Variants in RGL1 observed in about 807,000 individuals in gnomAD.
RGL1 encodes ral guanine nucleotide dissociation stimulator-like 1.
RGL1 carries 24 observed loss-of-function variants against 95.2 expected under a neutral mutation model. The observed-to-expected ratio is 0.25, with a 90% CI of 0.18 to 0.35. RGL1 has a LOEUF of 0.35. RGL1 is among the 10% of genes least tolerant of loss of function. The pLI is 1.00. For missense variants in RGL1, 715 were observed against 936.3 expected (o/e 0.76, Z 3.08); for synonymous variants, 329 against 344.9 (o/e 0.95, Z 0.51).
At chr1:183,901,156 G>A (rs185041557) in intron 11 of RGL1, among the ~76,000 whole-genome samples, 370 of 152,016 alleles carry the variant, frequency 2.4e-3, no homozygotes, top group African/African-American at 8.6e-3. Context: ...AAAATCAGCC[G>A]GGCATGGTGA....
chr1:183,755,986 C>T (rs10797906), intron 2 of RGL1, among the ~76,000 whole-genome samples: 27,057 of 150,722 alleles, frequency 0.18, 3,325 homozygotes, highest in African/African-American at 0.35. Flanking sequence ...CGGGTTCAAG[C>T]GAGTCTCCTG....
chr1:183,818,718 A>G (rs1333689391), intron 2 of RGL1, among the ~76,000 whole-genome samples: 1 of 152,224 alleles, frequency 6.6e-6, no homozygotes, highest in Non-Finnish European at 1.5e-5. Flanking sequence ...CTTAGTGAGC[A>G]TCTTATAAAT....
chr1:183,665,282 T>A (rs1241155964), intron 1 of RGL1, among the ~76,000 whole-genome samples: 2 of 152,180 alleles, frequency 1.3e-5, no homozygotes, highest in East Asian at 1.9e-4. Flanking sequence ...TATTCTTGAA[T>A]TCAATTTGCT....
intron 5 of RGL1, among the ~76,000 whole-genome samples, chr1:183,883,488 G>A (rs1666935974): frequency 6.6e-6 from 1 of 152,190 alleles, no homozygotes; most frequent in Admixed American, 6.5e-5. Context: ...GTTTGAAAGA[G>A]CCCTAGACAA....
intron 4 of RGL1, among the ~76,000 whole-genome samples, chr1:183,866,535 C>T (rs777465513): frequency 3.3e-5 from 5 of 152,094 alleles, no homozygotes; most frequent in African/African-American, 4.8e-5. Flanking sequence ...CGACAGACCA[C>T]GGGAAAGCCT....
chr1:183,869,284 A>G (rs1301682284), intron 4 of RGL1, among the ~76,000 whole-genome samples: 1 of 152,246 alleles, frequency 6.6e-6, no homozygotes, highest in African/African-American at 2.4e-5. Flanking sequence ...GTTGTATACT[A>G]GGAACACTAA....
intron 2 of RGL1, among the ~76,000 whole-genome samples, chr1:183,780,081 G>T (rs941495524): frequency 3.3e-5 from 5 of 152,170 alleles, no homozygotes; most frequent in Non-Finnish European, 2.9e-5. Flanking sequence ...CTTGATTCCA[G>T]TTTCCTCCCT....
intron 7 of RGL1, 125 bp downstream of exon 7, chr1:183,885,063 T>A (rs1667039544): frequency 3.9e-6 from 3 of 775,786 alleles, no homozygotes; most frequent in African/African-American, 1.8e-5. Context: ...GAGAGCCCAC[T>A]GGGTTTTTGT....
chr1:183,830,773 A>G (rs933790037), intron 2 of RGL1, among the ~76,000 whole-genome samples: 1 of 152,216 alleles, frequency 6.6e-6, no homozygotes, highest in Admixed American at 6.5e-5. Flanking sequence ...CAGAACAGTC[A>G]TTTTAATAAA....
chr1:183,912,028 C>G, intron 14 of RGL1, 54 bp from the exon 15 acceptor site: 1 of 1,520,056 alleles, frequency 6.6e-7, no homozygotes, highest in Non-Finnish European at 9.0e-7. Flanking sequence ...TTTGCCTAAT[C>G]ATGGATTCCA....
At chr1:183,646,426 T>C (rs1334227233) in intron 1 of RGL1, 1 of 151,770 alleles carries the variant, frequency 6.6e-6, no homozygotes, top group Non-Finnish European at 1.5e-5. Flanking sequence ...ACTTTATATA[T>C]ATATATAAAG....
upstream of RGL1, among the ~76,000 whole-genome samples, chr1:183,801,143 T>TTGTGTGTGTGTGTGTGTG (rs139990784): frequency 3.1e-5 from 4 of 130,000 alleles, no homozygotes; most frequent in African/African-American, 1.0e-4. Context: ...ACTTGTTATT[T>TTGTGTGTGTGTGTGTGTG]TGTGTGTGTG....
At chr1:183,923,687 A>C (rs1441579494) in intron 17 of RGL1, among the ~76,000 whole-genome samples, 4 of 152,192 alleles carry the variant, frequency 2.6e-5, no homozygotes, top group African/African-American at 7.2e-5. Flanking sequence ...TCTGAAGATA[A>C]CAAGAAATCG....
In RGL1 at chr1:183,821,435, G is replaced by T. The variant is rs1019419270; in HGVS notation, c.138+14950G>T. 2.6e-5 allele frequency among the ~76,000 whole-genome samples: 4 copies of T among 152,170 alleles called. No homozygotes were observed. In the South Asian group the frequency reaches 8.3e-4, roughly 31 times the overall value. On this transcript the variant is annotated intron_variant, in intron 2 of 17. Coordinates refer to ENST00000360851, the MANE Select transcript of RGL1 (RefSeq NM_001297671.3). ...GTGTGGACTGGATCCCATGTAAAAT[G>T]TATTTTTTCTTTTTACTATGAATCA... is the stretch of plus-strand genomic sequence containing the variant.
At chr1:183,919,490 C>G (rs1669188809) in intron 16 of RGL1, among the ~76,000 whole-genome samples, 1 of 152,168 alleles carries the variant, frequency 6.6e-6, no homozygotes, top group Non-Finnish European at 1.5e-5. Flanking sequence ...TAATTTTGAT[C>G]TCATGGATCC....
chr1:183,847,360 C>T (rs1664510593), intron 2 of RGL1, among the ~76,000 whole-genome samples: 1 of 152,152 alleles, frequency 6.6e-6, no homozygotes, highest in Admixed American at 6.5e-5. Context: ...GAGGCTGAGT[C>T]AGGAGGATCA....
At chr1:183,900,100 C>G (rs1407804696) in intron 10 of RGL1, 50 bp from the exon 11 acceptor site, 4 of 1,505,410 alleles carry the variant, frequency 2.7e-6, no homozygotes, top group Non-Finnish European at 2.8e-6. Context: ...CCTAAAACCC[C>G]TCAACTTTTC....
At position 183,717,984 on chromosome 1, in the gene RGL1, C is replaced by T. The variant is rs12066231; in HGVS notation, c.-32-24142C>T. ...GTTCATGGCTGGGTGCGGTGGCTCA[C>T]GCCTGTAATTCCAGCACTTTGGGAG... On this transcript the variant is annotated intron_variant, in intron 1 of 18. Coordinates refer to the RGL1 transcript ENST00000304685. Among the ~76,000 whole-genome samples, 682 of 152,234 alleles carry T rather than the reference C, an allele frequency of 4.5e-3. 7 individuals are homozygous for T. The highest frequency in any genetic ancestry group is 0.042 in the East Asian group (217 of 5,180).
At chr1:183,856,302 T>C (rs1216832646) in intron 3 of RGL1, among the ~76,000 whole-genome samples, 2 of 151,868 alleles carry the variant, frequency 1.3e-5, no homozygotes, top group African/African-American at 2.4e-5. Context: ...TACACACACA[T>C]ATATATAACA....
Sources: gnomAD v4.1 joint callset for allele counts (sites outside exome capture counted in the v4.1 genomes callset) on GRCh38, gnomAD v4.1.1 for gene constraint, MANE v1.5 for transcripts, NCBI Gene and HGNC (gene_info 2026-07-23, HGNC 2026-07-21) for gene names.